The following NRSN1 variants were observed in gnomAD, a reference collection of about 807,000 sequenced individuals.
NRSN1 encodes the protein neurensin-1.
Under a neutral mutation model 17.3 loss-of-function variants are expected in NRSN1, and 14 were observed. The ratio of observed to expected loss-of-function variants is 0.81; its 90% CI spans 0.54 to 1.27. The LOEUF is 1.27. Ranked by LOEUF, NRSN1 falls within the 50% of genes most tolerant of loss-of-function variation. The pLI is 0.00. For missense variants in NRSN1, 209 were observed against 235.9 expected, an observed-to-expected ratio of 0.89 and a Z score of 0.75; for synonymous variants, 79 against 94.2, an observed-to-expected ratio of 0.84 and a Z score of 0.93.
At chr6:24,137,523 G>T (rs1041669017) in intron 3 of NRSN1, among the ~76,000 whole-genome samples, 4 of 150,808 alleles carry the variant, frequency 2.7e-5, no homozygotes, top group African/African-American at 9.8e-5. Flanking sequence ...GATTGTTGTT[G>T]TTTTTTTTTA....
At chr6:24,139,480 T>C (rs1238320103) in intron 3 of NRSN1, among the ~76,000 whole-genome samples, 3 of 152,182 alleles carry the variant, frequency 2.0e-5, no homozygotes, top group African/African-American at 7.2e-5. Context: ...ACTATGACTG[T>C]GAGGAACAAT....
rs890499355 is a variant in NRSN1 at position 24,147,319 on chromosome 6, AT to A, written c.*1377del. Reference sequence around the variant, plus strand: ...GATTAGACTGAGAAAAATGGATGGTATTTTCTTAAAATTGTGCCACCTTAGA... The same window carrying A: ...GATTAGACTGAGAAAAATGGATGGTATTTCTTAAAATTGTGCCACCTTAGA... On this transcript the variant is annotated 3_prime_UTR_variant, in exon 4 of 4. Transcript: ENST00000378491. The A allele has an allele frequency of 1.3e-5, 2 of 150,270 alleles. No homozygotes were observed. The highest frequency in any genetic ancestry group is 4.9e-5 in the African/African-American group (2 of 40,984). 9.3% of individuals were successfully genotyped at this position (150,270 alleles called of 1,614,324 possible).
At chr6:24,138,751 T>A (rs1760153650) in intron 3 of NRSN1, among the ~76,000 whole-genome samples, 1 of 152,230 alleles carries the variant, frequency 6.6e-6, no homozygotes, top group South Asian at 2.1e-4. Flanking sequence ...AGTCAGAGTT[T>A]AAACTTAAGT....
At chr6:24,131,833 T>C (rs1374826755) in intron 2 of NRSN1, among the ~76,000 whole-genome samples, 1 of 152,240 alleles carries the variant, frequency 6.6e-6, no homozygotes, top group Non-Finnish European at 1.5e-5. Flanking sequence ...TTAATATTCT[T>C]TTGATCTGCC....
chr6:24,126,663 CATAAG>C (rs1759953057), intron 1 of NRSN1, among the ~76,000 whole-genome samples: 2 of 152,094 alleles, frequency 1.3e-5, no homozygotes, highest in Non-Finnish European at 2.9e-5. Context: ...GTTTCCTTTC[CATAAG>C]ATAAGAAAAG....
chr6:24,134,207 A>G, intron 2 of NRSN1, 112 bp from the exon 3 acceptor site: 1 of 835,380 alleles, frequency 1.2e-6, no homozygotes, highest in South Asian at 1.8e-5. Flanking sequence ...TAATGAAAAG[A>G]GCATTGTTCA....
intron 2 of NRSN1, among the ~76,000 whole-genome samples, chr6:24,132,829 T>C (rs1038834616): frequency 2.0e-5 from 3 of 152,182 alleles, no homozygotes; most frequent in South Asian, 2.1e-4. Flanking sequence ...TTTGTCCTAA[T>C]GCTCTCCATC....
At chr6:24,126,681 G>A (rs1038699985) in intron 1 of NRSN1, among the ~76,000 whole-genome samples, 42 of 152,128 alleles carry the variant, frequency 2.8e-4, no homozygotes, top group African/African-American at 8.7e-4. Context: ...AAGAAAAGTT[G>A]TGTATTAGGA....
chr6:24,131,121 T>C (rs556468130), intron 2 of NRSN1, among the ~76,000 whole-genome samples: 2 of 152,156 alleles, frequency 1.3e-5, no homozygotes, highest in Admixed American at 6.5e-5. Flanking sequence ...TAGCTAAAAA[T>C]CCATGGCTTC....
Position 24,141,320 on chromosome 6 carries a change from C to T in NRSN1, c.190-4228C>T, listed in dbSNP as rs1760199276. 3 of 1,136,110 alleles carry T rather than the reference C, an allele frequency of 2.6e-6. No homozygotes were observed. The East Asian group carries it at 1.0e-4, about 38-fold the overall frequency. 70.4% of individuals were successfully genotyped at this position (1,136,110 alleles called of 1,614,324 possible). A position where few individuals can be genotyped will look rare whatever the true frequency, so the allele number is the denominator to read the frequency against. The stretch of plus-strand genomic sequence containing the variant: ...TTGCTCCCTCAATTTTTATCCTTTC[C>T]AGTACTCAGCATGGTACCAAGACTA... On this transcript the variant is annotated intron_variant, in intron 3 of 3. Coordinates refer to ENST00000378491, the MANE Select transcript of NRSN1 (RefSeq NM_080723.5).
chr6:24,139,877 T>C (rs1760175265), intron 3 of NRSN1, among the ~76,000 whole-genome samples: 2 of 152,194 alleles, frequency 1.3e-5, no homozygotes, highest in African/African-American at 4.8e-5. Context: ...GAACCATGAT[T>C]GCACCATTGC....
chr6:24,145,856 G>C lies in NRSN1; in HGVS notation c.498G>C (p.Gln166His). ...ERIADIKAHT[Q>H]PVTKAPGPGE... ...TCGCAGACATCAAAGCCCACACCCA[G>C]CCGGTTACAAAAGCTCCAGGGCCAG... The change falls in exon 4 of 4, where the codon CAG (glutamine) becomes CAC (histidine). Residue 166 changes from glutamine (Q) to histidine (H), a missense_variant. Physicochemically the swap from Gln to His is conservative, Grantham distance 24. Coordinates refer to ENST00000378491, the MANE Select transcript of NRSN1 (RefSeq NM_080723.5). This position sits in a 1 kb window ranked among gnomAD's most constrained non-coding sequence, Gnocchi z 4.4. The C allele has an allele frequency of 6.2e-7, 1 of 1,614,204 alleles. No homozygotes were observed.
In NRSN1 at chr6:24,145,673, T is replaced by C. The variant is rs201114574; in HGVS notation, c.315T>C (p.Ala105=). 298 of 1,614,088 alleles carry C rather than the reference T, an allele frequency of 1.8e-4. 2 individuals carry two copies. The highest frequency in any genetic ancestry group is 2.5e-4 in the Non-Finnish European group (291 of 1,180,042). ...EADFVVVDTH[A]VQFNSALDMY... ...ATTTTGTGGTGGTCGACACACATGC[T>C]GTCCAGTTTAACAGTGCTCTGGACA... The change falls in exon 4 of 4, where the codon GCT becomes GCC. Residue 105 remains alanine, a synonymous_variant. Coordinates refer to ENST00000378491, the MANE Select transcript of NRSN1 (RefSeq NM_080723.5). This position sits in a 1 kb window ranked among gnomAD's most constrained non-coding sequence, Gnocchi z 4.4.
At chr6:24,126,559 G>C (rs1177041886) in intron 1 of NRSN1, among the ~76,000 whole-genome samples, 1 of 151,924 alleles carries the variant, frequency 6.6e-6, no homozygotes, top group African/African-American at 2.4e-5. Flanking sequence ...TACAAATTAG[G>C]AAGAGCTAGC....
intron 1 of NRSN1, among the ~76,000 whole-genome samples, chr6:24,127,744 C>T (rs1029153997): frequency 1.3e-5 from 2 of 151,980 alleles, no homozygotes; most frequent in Admixed American, 1.3e-4. Flanking sequence ...CAAAAAAGAT[C>T]CATTCTGAAG....
intron 3 of NRSN1, 44 bp downstream of exon 3, chr6:24,134,560 T>C (rs765088570): frequency 5.3e-6 from 8 of 1,512,316 alleles, no homozygotes; most frequent in Admixed American, 1.7e-5. Flanking sequence ...GGAAAAATTA[T>C]TGGACATGGT....
Position 24,145,655 on chromosome 6 carries a change from G to A in NRSN1, c.297G>A (p.Val99=), listed in dbSNP as rs762815275. Residue 99 remains valine, a synonymous_variant, in exon 4 of 4, where the codon GTG becomes GTA. Coordinates refer to ENST00000378491, the MANE Select transcript of NRSN1 (RefSeq NM_080723.5). This position sits in a 1 kb window ranked among gnomAD's most constrained non-coding sequence, Gnocchi z 4.4. ...KIEAFGEADF[V]VVDTHAVQFN... is the part of the protein sequence containing the mutation. ...AAGCATTTGGCGAAGCCGATTTTGT[G>A]GTGGTCGACACACATGCTGTCCAGT... is the stretch of plus-strand genomic sequence containing the variant. 6 of 1,613,970 alleles carry A rather than the reference G, an allele frequency of 3.7e-6. No homozygotes were observed. In the African/African-American group the frequency reaches 4.0e-5, roughly 11 times the overall value.
intron 3 of NRSN1, among the ~76,000 whole-genome samples, chr6:24,134,944 T>C (rs1760094182): frequency 6.6e-6 from 1 of 152,210 alleles, no homozygotes; most frequent in South Asian, 2.1e-4. Context: ...TGTAGTACAG[T>C]GGTCAGTATA....
chr6:24,132,062 T>C (rs1447047649), intron 2 of NRSN1, among the ~76,000 whole-genome samples: 1 of 152,176 alleles, frequency 6.6e-6, no homozygotes, highest in Non-Finnish European at 1.5e-5. Context: ...GAGCTAACAG[T>C]TAGTTGGTTT....
Sources: allele counts gnomAD v4.1 joint callset (sites outside exome capture counted in the v4.1 genomes callset), GRCh38; gene constraint gnomAD v4.1.1; non-coding constraint Gnocchi (gnomAD v3.1); transcripts MANE v1.5; gene names NCBI Gene and HGNC (gene_info 2026-07-23, HGNC 2026-07-21).